Variants in EFR3A observed in about 807,000 individuals in gnomAD.
The protein encoded by EFR3A is protein EFR3 homolog A.
Under a neutral mutation model 104.4 loss-of-function variants are expected in EFR3A, and 76 were observed. That is an observed-to-expected ratio of 0.73 (90% CI 0.60 to 0.88). The LOEUF (loss-of-function observed/expected upper bound fraction) is 0.88. EFR3A is among the 40% of genes least tolerant of loss of function. The pLI, the probability that EFR3A is intolerant of heterozygous loss-of-function variation, is 0.00. For synonymous variants in EFR3A, 330 were observed against 330.0 expected (o/e 1.00, Z 0.00); for missense variants, 985 against 1,012.5 (o/e 0.97, Z 0.37).
At chr8:131,955,125 G>A (rs755066223) in intron 6 of EFR3A, among the ~76,000 whole-genome samples, 4 of 151,966 alleles carry the variant, frequency 2.6e-5, no homozygotes, top group Admixed American at 2.0e-4. Context: ...CCATAATTAC[G>A]GCTCTTGAGG....
At position 132,011,309 on chromosome 8, in the gene EFR3A, G is replaced by A. The variant is rs1305226191; in HGVS notation, c.*414G>A. ...TGTAGAATTTTTGTTGTTGTTTTCTGCAAAGGCAGATACATTTAAATATAT... is the reference window on the plus strand; with the variant it reads ...TGTAGAATTTTTGTTGTTGTTTTCTACAAAGGCAGATACATTTAAATATAT... On this transcript the variant is annotated 3_prime_UTR_variant, in exon 23 of 23. Transcript: ENST00000254624. The A allele has an allele frequency of 1.1e-5, 11 of 988,176 alleles. No individual in the cohort carries two copies. The highest frequency in any genetic ancestry group is 1.3e-5 in the Non-Finnish European group (11 of 831,542). 61.2% of individuals were successfully genotyped at this position (988,176 alleles called of 1,614,324 possible).
In EFR3A at chr8:132,003,225, CT is replaced by C. The variant is rs370906721; in HGVS notation, c.2311-5del. On this transcript the variant is annotated splice_polypyrimidine_tract_variant and intron_variant, in intron 21 of 22. Transcript: ENST00000254624. ...AATAAACCATTCTTAACATTTTTTTCTTTTTTGCAGGCAAATTTGCTTCATG... is the reference window on the plus strand; with the variant it reads ...AATAAACCATTCTTAACATTTTTTTCTTTTTGCAGGCAAATTTGCTTCATG... 669 of 1,606,010 alleles carry C rather than the reference CT, an allele frequency of 4.2e-4. 4 individuals are homozygous for C. In the African/African-American group the frequency reaches 8.2e-3, roughly 20 times the overall value.
chr8:131,960,530 G>A (rs1285100104), intron 8 of EFR3A, among the ~76,000 whole-genome samples: 1 of 152,094 alleles, frequency 6.6e-6, no homozygotes, highest in Non-Finnish European at 1.5e-5. Flanking sequence ...GGAAATGGTA[G>A]TATATACTAG....
intron 5 of EFR3A, among the ~76,000 whole-genome samples, chr8:131,951,580 T>TA (rs1454265056): frequency 6.6e-6 from 1 of 152,108 alleles, no homozygotes; most frequent in Non-Finnish European, 1.5e-5. Context: ...ATATAGAAAA[T>TA]ATCTGGAATG....
chr8:131,913,223 C>T (rs1360525234), intron 1 of EFR3A, among the ~76,000 whole-genome samples: 1 of 149,764 alleles, frequency 6.7e-6, no homozygotes, highest in Non-Finnish European at 1.5e-5. Context: ...GCAGTTCCTC[C>T]TATGATTAAT....
At chr8:131,949,938 T>C (rs757262478) in intron 4 of EFR3A, 31 bp from the exon 5 acceptor site, 10 of 1,536,820 alleles carry the variant, frequency 6.5e-6, no homozygotes. Flanking sequence ...CTGAAGAAGG[T>C]GAAGTATATT....
At chr8:131,998,115 T>C (rs16904570) in intron 19 of EFR3A, among the ~76,000 whole-genome samples, 56,763 of 151,708 alleles carry the variant, frequency 0.37, 10,920 homozygotes, top group East Asian at 0.61. Flanking sequence ...GAGTTTCAGA[T>C]TCATTTACCA....
At chr8:131,979,246 G>T (rs1010811251) in intron 13 of EFR3A, 100 bp from the exon 14 acceptor site, 1 of 1,053,314 alleles carries the variant, frequency 9.5e-7, no homozygotes. Context: ...TTACATACAG[G>T]CTTATCAAAC....
chr8:131,994,055 A>G (rs567332089), intron 18 of EFR3A, among the ~76,000 whole-genome samples: 1 of 152,134 alleles, frequency 6.6e-6, no homozygotes, highest in Non-Finnish European at 1.5e-5. Flanking sequence ...TGTATAACAA[A>G]CCTGCGCATG....
chr8:131,924,716 A>T (rs1817215145), intron 1 of EFR3A, among the ~76,000 whole-genome samples: 1 of 152,110 alleles, frequency 6.6e-6, no homozygotes, highest in African/African-American at 2.4e-5. Flanking sequence ...AACTTGTCCT[A>T]ATCAGTCCAA....
intron 8 of EFR3A, among the ~76,000 whole-genome samples, chr8:131,961,929 T>G (rs1386383251): frequency 6.6e-6 from 1 of 152,188 alleles, no homozygotes; most frequent in Non-Finnish European, 1.5e-5. Context: ...AAAAGAATTT[T>G]CAACCCAGAA....
At chr8:131,971,840 T>C (rs1820071383) in intron 10 of EFR3A, among the ~76,000 whole-genome samples, 1 of 152,212 alleles carries the variant, frequency 6.6e-6, no homozygotes. Flanking sequence ...ATTATATTCC[T>C]CCACTGTATA....
At chr8:131,910,751 A>G (rs965381883) in intron 1 of EFR3A, among the ~76,000 whole-genome samples, 3 of 152,298 alleles carry the variant, frequency 2.0e-5, no homozygotes, top group African/African-American at 2.4e-5. Flanking sequence ...TACTCATTAC[A>G]TGGCTCAACT....
Position 132,011,180 on chromosome 8 carries a change from G to A in EFR3A, c.*285G>A, listed in dbSNP as rs554707573. The A allele has an allele frequency of 3.9e-4, 414 of 1,064,796 alleles. 3 individuals carry two copies. In the African/African-American group the frequency reaches 6.5e-3, roughly 17 times the overall value. 66.0% of individuals were successfully genotyped at this position (1,064,796 alleles called of 1,614,324 possible). A position where few individuals can be genotyped will look rare whatever the true frequency, so the allele number is the denominator to read the frequency against. On this transcript the variant is annotated 3_prime_UTR_variant, in exon 23 of 23. Transcript: ENST00000254624. Reference sequence around the variant, plus strand: ...ACTTTATTCCACTGTTAAGTAGTATGTTTTAAACTTTTCACAAATGTAATG... The same window carrying A: ...ACTTTATTCCACTGTTAAGTAGTATATTTTAAACTTTTCACAAATGTAATG...
At chr8:131,975,187 A>G (rs1820260307) in intron 10 of EFR3A, among the ~76,000 whole-genome samples, 1 of 152,180 alleles carries the variant, frequency 6.6e-6, no homozygotes, top group Non-Finnish European at 1.5e-5. Flanking sequence ...CAGTTGAATT[A>G]TGTATGTTGA....
chr8:131,974,119 C>T (rs1229920283), intron 10 of EFR3A, among the ~76,000 whole-genome samples: 1 of 152,152 alleles, frequency 6.6e-6, no homozygotes, highest in African/African-American at 2.4e-5. Flanking sequence ...TAGAAAAGTA[C>T]TGATGCTTGG....
rs746231615 is a variant in EFR3A, at chr8:131,970,562, T to C, written c.1078T>C (p.Ser360Pro). Residue 360 changes from serine (S) to proline (P), a missense_variant, in exon 10 of 23, where the codon TCT becomes CCT. By Grantham distance (74) the Ser-to-Pro change is moderately conservative. Transcript: ENST00000254624. Reference protein sequence around the residue: ...EFEANDLQGGSVGSVNLNTSS... With the variant: ...EFEANDLQGGPVGSVNLNTSS... ...CGAAGCAAATGATTTACAGGGGGGATCTGTAGGCAGTGTCAACTTAAATAC... is the reference window on the plus strand; with the variant it reads ...CGAAGCAAATGATTTACAGGGGGGACCTGTAGGCAGTGTCAACTTAAATAC... The C allele has an allele frequency of 6.2e-7, 1 of 1,613,820 alleles. No individual in the cohort carries two copies. The highest frequency in any genetic ancestry group is 1.3e-5 in the African/African-American group (1 of 75,030).
chr8:131,916,000 G>A (rs1004988540), intron 1 of EFR3A, among the ~76,000 whole-genome samples: 6 of 152,206 alleles, frequency 3.9e-5, no homozygotes, highest in Non-Finnish European at 7.3e-5. Context: ...GTCTGATGGG[G>A]AAGAAAGGTG....
In EFR3A at chr8:131,950,153, T is replaced by C. The variant is rs1228242817; in HGVS notation, c.488+63T>C. The C allele has an allele frequency of 2.8e-6, 4 of 1,446,076 alleles. No homozygotes were observed. The African/African-American group carries it at 4.3e-5, about 16-fold the overall frequency. 89.6% of individuals were successfully genotyped at this position (1,446,076 alleles called of 1,614,324 possible). ...TTTAGAGATTAATATTGTGTTCATA[T>C]GTTACATAATGATTACCAGAGGAAA... On this transcript the variant is annotated intron_variant, in intron 5 of 22. Coordinates refer to ENST00000254624, the MANE Select transcript of EFR3A (RefSeq NM_015137.6).
Sources: gnomAD v4.1 joint callset for allele counts (sites outside exome capture counted in the v4.1 genomes callset) on GRCh38, gnomAD v4.1.1 for gene constraint, MANE v1.5 for transcripts, NCBI Gene and HGNC (gene_info 2026-07-23, HGNC 2026-07-21) for gene names.